NCOR2: variants seen among roughly 807,000 people sequenced by gnomAD.
The protein encoded by NCOR2 is nuclear receptor corepressor 2, also known as CTG repeat protein 26.
NCOR2 carries 81 observed loss-of-function variants against 262.9 expected under a neutral mutation model. That is an observed-to-expected ratio of 0.31 (90% confidence interval 0.26 to 0.37). The LOEUF is 0.37. Among genes scored for constraint, NCOR2 ranks in the 10% least tolerant of loss-of-function variants. The pLI is 1.00. For synonymous variants in NCOR2, 1,659 were observed against 1,559.3 expected (o/e 1.06, Z -1.51); for missense variants, 3,385 against 3,621.4 (o/e 0.93, Z 1.68).
intron 1 of NCOR2, among the ~76,000 whole-genome samples, chr12:124,534,354 G>C (rs2051008439): frequency 3.9e-5 from 6 of 152,076 alleles, no homozygotes; most frequent in Admixed American, 3.9e-4. Flanking sequence ...CTACTAAGGA[G>C]GCTGAGGCAG....
chr12:124,336,568 A>G, intron 38 of NCOR2, 185 bp downstream of exon 40: 12 of 976,490 alleles, frequency 1.2e-5, no homozygotes, highest in Non-Finnish European at 1.5e-5. Flanking sequence ...AACGGGGGCC[A>G]AAGTAAAAAG....
chr12:124,543,311 T>C (rs2051435291), intron 1 of NCOR2, among the ~76,000 whole-genome samples: 1 of 152,198 alleles, frequency 6.6e-6, no homozygotes, highest in Non-Finnish European at 1.5e-5. Flanking sequence ...ACACCGGGCA[T>C]AGCGACTGGG....
intron 4 of NCOR2, among the ~76,000 whole-genome samples, chr12:124,470,818 T>C (rs1198213232): frequency 6.6e-6 from 1 of 152,216 alleles, no homozygotes; most frequent in Non-Finnish European, 1.5e-5. Context: ...ATTTCACTTT[T>C]AAAAAATGCC....
At position 124,378,232 on chromosome 12, in the gene NCOR2, C is replaced by T. The variant is rs2040169362; in HGVS notation, c.2167+5G>A. ...CAGCCACCTCCAAGCCGCGCCAGCC[C>T]TCACCTTCAGCCTCCTCCACCATCT... On this transcript the variant is annotated splice_donor_5th_base_variant and intron_variant, in intron 18 of 46. Transcript: ENST00000405201. This position sits in a 1 kb window ranked among gnomAD's most constrained non-coding sequence, Gnocchi z 4.2. The T allele has an allele frequency of 6.2e-7, 1 of 1,613,284 alleles. No homozygotes were observed. Among genetic ancestry groups the T allele is most frequent in the Non-Finnish European group, 8.5e-7 (1 of 1,179,408 alleles).
intron 16 of NCOR2, among the ~76,000 whole-genome samples, chr12:124,386,176 G>GT (rs2040789286): frequency 6.6e-6 from 1 of 152,152 alleles, no homozygotes; most frequent in East Asian, 1.9e-4. Context: ...AGCGACAGGT[G>GT]AAGTCCCACC....
intron 20 of NCOR2, among the ~76,000 whole-genome samples, chr12:124,370,909 C>T (rs896066235): frequency 1.3e-5 from 2 of 152,130 alleles, no homozygotes; most frequent in African/African-American, 4.8e-5. Context: ...AGGTGATCAC[C>T]TGTGATCCTG....
At chr12:124,447,695 TTTC>T (rs1041258161) in intron 7 of NCOR2, among the ~76,000 whole-genome samples, 7 of 148,702 alleles carry the variant, frequency 4.7e-5, no homozygotes, top group East Asian at 3.9e-4. Context: ...TTTTTCTTTC[TTTC>T]TTTTTTTTTT....
rs147685797 is a variant in NCOR2 at position 124,357,598 on chromosome 12, G to A, written c.3101-816C>T. ...GGCGTGAGCCCCCACGCCTGGCCCC[G>A]CCGTCTGACTTTGTGAATACGCTTT... On this transcript the variant is annotated intron_variant, in intron 22 of 46. Transcript: ENST00000405201. Among the ~76,000 whole-genome samples, 14 of 152,342 alleles carry A rather than the reference G, an allele frequency of 9.2e-5. No homozygotes were observed. The East Asian group carries it at 2.5e-3, about 27-fold the overall frequency.
intron 20 of NCOR2, 127 bp downstream of exon 22, chr12:124,371,895 C>T: frequency 1.0e-6 from 1 of 974,020 alleles, no homozygotes; most frequent in Non-Finnish European, 1.5e-6. Context: ...AAGTCTGCCT[C>T]CCTAACCACA....
intron 13 of NCOR2, 34 bp from the exon 16 acceptor site, chr12:124,402,595 G>T (rs751426927): frequency 6.5e-7 from 1 of 1,547,204 alleles, no homozygotes; most frequent in Non-Finnish European, 8.7e-7. Flanking sequence ...GAGGGGAGTG[G>T]GGAGGGAAGA....
chr12:124,381,983 G>A (rs1467533319), intron 17 of NCOR2, among the ~76,000 whole-genome samples: 3 of 152,210 alleles, frequency 2.0e-5, no homozygotes, highest in South Asian at 2.1e-4. Context: ...CCACACTCGG[G>A]CCAGACCTAG....
At chr12:124,335,510 C>G in exon 39 of NCOR2, 1 of 1,607,994 alleles carries the variant, frequency 6.2e-7, no homozygotes, top group Non-Finnish European at 8.5e-7. Flanking sequence ...AGCTCCCCCT[C>G]CAGGTGGCTC....
chr12:124,544,606 C>T (rs1428315152), intron 1 of NCOR2, among the ~76,000 whole-genome samples: 21 of 152,206 alleles, frequency 1.4e-4, no homozygotes. Context: ...CCCACTCAAA[C>T]CCCCAGGACA....
At chr12:124,484,379 C>T (rs950914923) in intron 2 of NCOR2, among the ~76,000 whole-genome samples, 34 of 152,324 alleles carry the variant, frequency 2.2e-4, no homozygotes, top group African/African-American at 6.7e-4. Flanking sequence ...TCTCCTGAAC[C>T]CTCCTCCGCA....
chr12:124,483,518 C>T lies in NCOR2; in HGVS notation c.411+78G>A. On this transcript the variant is annotated intron_variant, in intron 3 of 46. Coordinates refer to ENST00000405201, the Ensembl canonical transcript of NCOR2. The surrounding 1 kb of genome is among the most constrained non-coding windows in gnomAD (Gnocchi z 6.3). The stretch of plus-strand genomic sequence containing the variant: ...AGCTGCCCCCTCCCTGCACCCCTAC[C>T]CACCACCTCCCACCCAGCCCAACCA... The T allele has an allele frequency of 7.0e-7, 1 of 1,420,844 alleles. No individual in the cohort carries two copies. The highest frequency in any genetic ancestry group is 9.3e-7 in the Non-Finnish European group (1 of 1,076,138). The allele number at this position is 1,420,844 out of a possible 1,614,324, so 88.0% of individuals were successfully genotyped here.
intron 1 of NCOR2, among the ~76,000 whole-genome samples, chr12:124,565,110 C>T (rs1209543545): frequency 6.6e-6 from 1 of 152,166 alleles, no homozygotes; most frequent in African/African-American, 2.4e-5. Context: ...GGGGAGAGCG[C>T]AGCCCCAGGA....
At chr12:124,468,426 T>C (rs1593687365) in intron 4 of NCOR2, among the ~76,000 whole-genome samples, 1 of 26,836 alleles carries the variant, frequency 3.7e-5, no homozygotes. Context: ...CACCCCATCA[T>C]CCTCATCCTC....
chr12:124,411,261 C>CGCAT (rs2042568523), intron 13 of NCOR2, among the ~76,000 whole-genome samples: 1 of 151,532 alleles, frequency 6.6e-6, no homozygotes, highest in South Asian at 2.1e-4. Context: ...CCCGTGTGCG[C>CGCAT]GCATACACAC....
rs191152722 is a variant in NCOR2, at chr12:124,554,122, T to G, written c.-165+13186A>C. ...TAAGCACATAATGGCGTGAGCAGCGTGAACCCTCCTGATGCTTAAAGATGA... is the reference window on the plus strand; with the variant it reads ...TAAGCACATAATGGCGTGAGCAGCGGGAACCCTCCTGATGCTTAAAGATGA... On this transcript the variant is annotated intron_variant, in intron 1 of 32. Transcript: ENST00000458234. Among the ~76,000 whole-genome samples the G allele has an allele frequency of 1.1e-3, 172 of 152,344 alleles. 1 individual carries two copies. In the Middle Eastern group the frequency reaches 0.014, roughly 12 times the overall value.
Sources: allele counts gnomAD v4.1 joint callset (sites outside exome capture counted in the v4.1 genomes callset), GRCh38; gene constraint gnomAD v4.1.1; non-coding constraint Gnocchi (gnomAD v3.1); transcripts MANE v1.5; gene names NCBI Gene and HGNC (gene_info 2026-07-23, HGNC 2026-07-21).